The following TENM2 variants were observed in gnomAD, a reference collection of about 807,000 sequenced individuals.
TENM2 encodes teneurin transmembrane protein 2.
In TENM2, 52 loss-of-function variants were observed where a neutral mutation model predicts 245.2. That is an observed-to-expected ratio of 0.21 (90% CI 0.17 to 0.27). The LOEUF is 0.27. Among genes scored for constraint, TENM2 ranks in the 10% least tolerant of loss-of-function variants. TENM2 has a pLI of 1.00. For missense variants in TENM2, 3,046 were observed against 3,666.8 expected (o/e 0.83, Z 4.37); for synonymous variants, 1,363 against 1,438.9 (o/e 0.95, Z 1.19).
At chr5:167,761,287 G>A (rs1162997867) in intron 2 of TENM2, among the ~76,000 whole-genome samples, 1 of 151,894 alleles carries the variant, frequency 6.6e-6, no homozygotes, top group Non-Finnish European at 1.5e-5. Flanking sequence ...TTGTCTGTTT[G>A]CCTCTACCCA....
chr5:167,927,980 T>G (rs1263402750), intron 3 of TENM2, among the ~76,000 whole-genome samples: 1 of 152,180 alleles, frequency 6.6e-6, no homozygotes, highest in African/African-American at 2.4e-5. Context: ...TGAAATTATT[T>G]TGGTAGGGAA....
At chr5:167,954,941 T>A (rs945977483) in intron 4 of TENM2, among the ~76,000 whole-genome samples, 5 of 152,228 alleles carry the variant, frequency 3.3e-5, no homozygotes, top group African/African-American at 1.2e-4. Flanking sequence ...TGTGCATGTG[T>A]CTTTATAGTA....
intron 2 of TENM2, among the ~76,000 whole-genome samples, chr5:167,654,368 C>A (rs566624182): frequency 6.6e-6 from 1 of 152,216 alleles, no homozygotes; most frequent in African/African-American, 2.4e-5. Context: ...GCACTCACTT[C>A]CAGGTGCCAA....
intron 1 of TENM2, among the ~76,000 whole-genome samples, chr5:167,290,431 G>A (rs572846654): frequency 5.3e-5 from 8 of 152,190 alleles, no homozygotes; most frequent in African/African-American, 7.2e-5. Context: ...AGTAGTTATC[G>A]TTACAGTTAT....
chr5:168,164,863 A>G (rs1758076872), intron 13 of TENM2, among the ~76,000 whole-genome samples: 1 of 152,250 alleles, frequency 6.6e-6, no homozygotes, highest in Non-Finnish European at 1.5e-5. Flanking sequence ...ACCTTGGACC[A>G]GTCATTGAAT....
chr5:167,822,045 T>A (rs1767575225), intron 2 of TENM2, among the ~76,000 whole-genome samples: 1 of 152,122 alleles, frequency 6.6e-6, no homozygotes, highest in Non-Finnish European at 1.5e-5. Context: ...TGTTTTGTTT[T>A]GTTTTGTTTT....
At chr5:166,979,942 C>A in the TENM2 span, among the ~76,000 whole-genome samples, 1 of 152,128 alleles carries the variant, frequency 6.6e-6, no homozygotes, top group Non-Finnish European at 1.5e-5. Flanking sequence ...GATTACAATG[C>A]ATTTGACTCA....
chr5:167,363,169 G>T (rs750022326), intron 1 of TENM2, among the ~76,000 whole-genome samples: 12 of 152,180 alleles, frequency 7.9e-5, no homozygotes, highest in South Asian at 2.1e-4. Flanking sequence ...GCATTGAATT[G>T]TTAGCCCACA....
At chr5:168,263,038 C>A, downstream of TENM2, 1 of 501,740 alleles carries the variant, frequency 2.0e-6, no homozygotes, top group South Asian at 3.7e-5. Context: ...GAAAACAAAA[C>A]AAACGAATGA....
At chr5:167,401,216 A>G (rs1176402673) in intron 2 of TENM2, among the ~76,000 whole-genome samples, 1 of 152,104 alleles carries the variant, frequency 6.6e-6, no homozygotes, top group Non-Finnish European at 1.5e-5. Context: ...TGCCTCATAT[A>G]CAGTAGACAA....
intron 12 of TENM2, among the ~76,000 whole-genome samples, chr5:168,149,669 C>G (rs1045302044): frequency 1.3e-5 from 2 of 152,198 alleles, no homozygotes; most frequent in African/African-American, 4.8e-5. Context: ...CATCCTCTCT[C>G]TGTTCCTCAC....
chr5:166,995,765 G>A, the TENM2 span, among the ~76,000 whole-genome samples: 24 of 137,150 alleles, frequency 1.7e-4, no homozygotes, highest in Admixed American at 8.7e-4. Context: ...GCAGTGAGCC[G>A]AGATGCACCA....
At chr5:166,979,844 TTC>T in the TENM2 span, among the ~76,000 whole-genome samples, 3 of 152,290 alleles carry the variant, frequency 2.0e-5, no homozygotes, top group Non-Finnish European at 2.9e-5. Context: ...GACTGCCGGT[TTC>T]TCTCTAATGT....
chr5:168,246,060 C>A (rs1186014558), intron 26 of TENM2, among the ~76,000 whole-genome samples: 1 of 151,954 alleles, frequency 6.6e-6, no homozygotes, highest in African/African-American at 2.4e-5. Flanking sequence ...TGGTGAAACC[C>A]CGTCTCTACT....
At chr5:168,201,901 G>T (rs2152534448) in intron 17 of TENM2, among the ~76,000 whole-genome samples, 1 of 152,242 alleles carries the variant, frequency 6.6e-6, no homozygotes, top group East Asian at 1.9e-4. Context: ...CATAATTACG[G>T]CTATTTGGCC....
chr5:167,897,890 G>GTTTTTTT (rs35680049), intron 3 of TENM2, among the ~76,000 whole-genome samples: 2 of 89,294 alleles, frequency 2.2e-5, no homozygotes, highest in African/African-American at 3.5e-5. Context: ...GTAGTAAATT[G>GTTTTTTT]TTTTTTTTTT....
chr5:167,807,787 T>C (rs563923849), intron 2 of TENM2, among the ~76,000 whole-genome samples: 123 of 152,086 alleles, frequency 8.1e-4, no homozygotes, highest in African/African-American at 2.8e-3. Context: ...ACATGAAAAC[T>C]CCCTAGAGCA....
At chr5:167,435,819 G>A (rs969996828) in intron 2 of TENM2, among the ~76,000 whole-genome samples, 1 of 152,088 alleles carries the variant, frequency 6.6e-6, no homozygotes, top group African/African-American at 2.4e-5. Flanking sequence ...ATGGGGATGA[G>A]GAACTTGTTG....
chr5:167,892,381 T>G (rs1356236540), intron 3 of TENM2, among the ~76,000 whole-genome samples: 1 of 152,300 alleles, frequency 6.6e-6, no homozygotes, highest in Admixed American at 6.5e-5. Flanking sequence ...CTAAGAAACA[T>G]TCCCATGTTA....
Sources: allele counts gnomAD v4.1 joint callset (sites outside exome capture counted in the v4.1 genomes callset), GRCh38; gene constraint gnomAD v4.1.1; transcripts MANE v1.5; gene names NCBI Gene and HGNC (gene_info 2026-07-23, HGNC 2026-07-21).